The following WWOX variants were observed in gnomAD, a reference collection of about 807,000 sequenced individuals.
The protein encoded by WWOX is WW domain containing oxidoreductase, also known as WW domain-containing oxidoreductase.
Under a neutral mutation model 46.2 loss-of-function variants are expected in WWOX, and 69 were observed. The ratio of observed to expected loss-of-function variants is 1.49; its 90% CI spans 1.23 to 1.82. The LOEUF (loss-of-function observed/expected upper bound fraction) is 1.82. WWOX is among the 40% of genes most tolerant of loss of function. WWOX has a pLI of 0.00. For missense variants in WWOX, 919 were observed against 542.6 expected (o/e 1.69, Z -6.89); for synonymous variants, 359 against 202.6 (o/e 1.77, Z -6.56).
intron 8 of WWOX, among the ~76,000 whole-genome samples, chr16:78,521,665 A>G (rs1447879194): frequency 6.6e-6 from 1 of 152,226 alleles, no homozygotes; most frequent in Non-Finnish European, 1.5e-5. Context: ...TTCCCAGTCT[A>G]GTTCACAGGT....
chr16:78,576,253 C>G lies in WWOX; in HGVS notation c.1056+143501C>G, dbSNP rs367774701. On this transcript the variant is annotated intron_variant, in intron 8 of 8. Transcript: ENST00000566780. ...TCCTTCCAGTTCTTCTATGTTTCAC[C>G]AACTTTTCTACAACAAATAATGCAT... Among the ~76,000 whole-genome samples, 6 of 152,238 alleles carry G rather than the reference C, an allele frequency of 3.9e-5. No homozygotes were observed. In the East Asian group the frequency reaches 7.7e-4, roughly 20 times the overall value.
intron 5 of WWOX, among the ~76,000 whole-genome samples, chr16:78,334,940 G>T (rs565094572): frequency 1.7e-4 from 21 of 124,378 alleles, no homozygotes; most frequent in African/African-American, 5.7e-4. Flanking sequence ...AAAAAAAAAG[G>T]CAGCAAAATG....
intron 8 of WWOX, among the ~76,000 whole-genome samples, chr16:78,804,506 G>A (rs920156856): frequency 6.6e-6 from 1 of 152,130 alleles, no homozygotes; most frequent in South Asian, 2.1e-4. Flanking sequence ...GCGCACATGC[G>A]AAGCGCATAT....
chr16:78,596,185 A>G (rs193066035), intron 8 of WWOX, among the ~76,000 whole-genome samples: 215 of 152,348 alleles, frequency 1.4e-3, no homozygotes, highest in Middle Eastern at 6.8e-3. Flanking sequence ...AGTGATATCA[A>G]CAAAACAAAA....
intron 8 of WWOX, among the ~76,000 whole-genome samples, chr16:78,849,499 G>T (rs537337302): frequency 6.6e-6 from 1 of 150,886 alleles, no homozygotes; most frequent in Non-Finnish European, 1.5e-5. Flanking sequence ...GCGTGAACCC[G>T]GGAGGCGGAG....
chr16:78,629,306 C>CAGG (rs148360166), intron 8 of WWOX, among the ~76,000 whole-genome samples: 3,565 of 151,788 alleles, frequency 0.023, 156 homozygotes, highest in African/African-American at 0.082. Flanking sequence ...CTTTGTCTCC[C>CAGG]AGGAGCACAC....
intron 8 of WWOX, among the ~76,000 whole-genome samples, chr16:78,456,757 G>A (rs1253610795): frequency 3.3e-5 from 5 of 152,204 alleles, no homozygotes; most frequent in African/African-American, 1.2e-4. Context: ...CATAATATGT[G>A]TAAAAATTAT....
intron 8 of WWOX, among the ~76,000 whole-genome samples, chr16:78,733,033 T>C (rs2049003089): frequency 6.6e-6 from 1 of 152,292 alleles, no homozygotes; most frequent in African/African-American, 2.4e-5. Flanking sequence ...CCCTCTTTGC[T>C]TTTACGGTTT....
At chr16:78,199,616 A>G (rs2036168096) in intron 5 of WWOX, among the ~76,000 whole-genome samples, 2 of 152,176 alleles carry the variant, frequency 1.3e-5, no homozygotes, top group South Asian at 4.1e-4. Context: ...AGCAGCTTAA[A>G]GGGTACAGGT....
chr16:78,611,500 T>C (rs2045899410), intron 8 of WWOX, among the ~76,000 whole-genome samples: 1 of 152,154 alleles, frequency 6.6e-6, no homozygotes, highest in Non-Finnish European at 1.5e-5. Flanking sequence ...CTCCCTGCCC[T>C]CCTCCTTCCC....
intron 8 of WWOX, among the ~76,000 whole-genome samples, chr16:78,907,175 C>G (rs1226080707): frequency 1.3e-5 from 2 of 151,902 alleles, no homozygotes; most frequent in Non-Finnish European, 2.9e-5. Flanking sequence ...TGCTGATGGG[C>G]TGTGGATGCA....
chr16:78,832,376 A>G (rs1405299977), intron 8 of WWOX, among the ~76,000 whole-genome samples: 1 of 152,122 alleles, frequency 6.6e-6, no homozygotes, highest in Non-Finnish European at 1.5e-5. Context: ...ATTCTTAGAC[A>G]TCATGCACTG....
intron 8 of WWOX, among the ~76,000 whole-genome samples, chr16:78,644,495 C>G (rs895198852): frequency 6.6e-6 from 1 of 151,642 alleles, no homozygotes; most frequent in Non-Finnish European, 1.5e-5. Flanking sequence ...GAGTTTTGCT[C>G]TTATTGCTCA....
intron 8 of WWOX, among the ~76,000 whole-genome samples, chr16:78,584,467 T>A (rs2045144017): frequency 6.6e-6 from 1 of 152,202 alleles, no homozygotes; most frequent in African/African-American, 2.4e-5. Flanking sequence ...GTAATTCCCA[T>A]GTGCTGAGTT....
intron 8 of WWOX, among the ~76,000 whole-genome samples, chr16:78,661,403 A>AT (rs34875000): frequency 2.6e-5 from 4 of 151,664 alleles, no homozygotes; most frequent in Admixed American, 6.6e-5. Context: ...AAGCTGGGCA[A>AT]TTTTTTTTTC....
At chr16:78,827,057 A>G (rs935940924) in intron 8 of WWOX, among the ~76,000 whole-genome samples, 8 of 152,180 alleles carry the variant, frequency 5.3e-5, no homozygotes, top group African/African-American at 1.9e-4. Context: ...CAAGGGAACC[A>G]GAGAGCTTTG....
At chr16:78,336,242 G>A (rs1208059376) in intron 5 of WWOX, among the ~76,000 whole-genome samples, 1 of 151,570 alleles carries the variant, frequency 6.6e-6, no homozygotes, top group Non-Finnish European at 1.5e-5. Flanking sequence ...GGAGGCTGAG[G>A]CAGGCAGATC....
chr16:78,603,412 C>A (rs183804894), intron 8 of WWOX, among the ~76,000 whole-genome samples: 4 of 152,114 alleles, frequency 2.6e-5, no homozygotes, highest in Admixed American at 1.3e-4. Flanking sequence ...AAACTATATC[C>A]TGCTGGGTGC....
intron 8 of WWOX, among the ~76,000 whole-genome samples, chr16:78,753,536 A>G (rs561261246): frequency 1.2e-3 from 183 of 152,018 alleles, no homozygotes; most frequent in African/African-American, 4.1e-3. Flanking sequence ...GCAGTGGCTC[A>G]TGCCTGTAAT....
Sources: allele counts gnomAD v4.1 joint callset (sites outside exome capture counted in the v4.1 genomes callset), GRCh38; gene constraint gnomAD v4.1.1; transcripts MANE v1.5; gene names NCBI Gene and HGNC (gene_info 2026-07-23, HGNC 2026-07-21).